The following GMDS variants were observed in gnomAD, a reference collection of about 807,000 sequenced individuals.
GMDS encodes the protein GDP-mannose 4,6 dehydratase.
Under a neutral mutation model 49.9 loss-of-function variants are expected in GMDS, and 20 were observed. That is an observed-to-expected ratio of 0.40 (90% CI 0.28 to 0.58). GMDS has a LOEUF of 0.58. GMDS is among the 20% of genes least tolerant of loss of function. The pLI, the probability that GMDS is intolerant of heterozygous loss-of-function variation, is 0.42. For synonymous variants in GMDS, 177 were observed against 178.6 expected, an observed-to-expected ratio of 0.99 and a Z score of 0.07; for missense variants, 362 against 481.4, an observed-to-expected ratio of 0.75 and a Z score of 2.32.
At position 2,131,165 on chromosome 6, in the gene GMDS, G is replaced by A. The variant is rs149395248; in HGVS notation, c.103-6434C>T. ...GTATAATATTAGAGCAAGGAAGAAC[G>A]CAAATACAATGTGAACTCAGGAATT... is the stretch of plus-strand genomic sequence containing the variant. On this transcript the variant is annotated intron_variant, in intron 1 of 10. Transcript: ENST00000380815. 5.4e-3 allele frequency among the ~76,000 whole-genome samples: 827 copies of A among 152,122 alleles called. 3 individuals carry two copies. Among genetic ancestry groups the A allele is most frequent in the Middle Eastern group, 0.02 (6 of 294 alleles).
chr6:2,092,414 C>T (rs1019997109), intron 4 of GMDS, among the ~76,000 whole-genome samples: 9 of 152,184 alleles, frequency 5.9e-5, no homozygotes, highest in Non-Finnish European at 1.3e-4. Flanking sequence ...TTAATCATCA[C>T]CTCATCCCAG....
At chr6:2,065,123 C>T (rs893915225) in intron 4 of GMDS, among the ~76,000 whole-genome samples, 1 of 152,252 alleles carries the variant, frequency 6.6e-6, no homozygotes, top group African/African-American at 2.4e-5. Context: ...CCCCTGACCC[C>T]TGAGCAGCCT....
chr6:1,767,894 A>G lies in GMDS; in HGVS notation c.772-25308T>C, dbSNP rs192806186. Among the ~76,000 whole-genome samples, 5 of 152,148 alleles carry G rather than the reference A, an allele frequency of 3.3e-5. No individual in the cohort carries two copies. In the East Asian group the frequency reaches 7.7e-4, roughly 24 times the overall value. ...GGTGATCCCAGTTAATCCCGGCTCT[A>G]AGCTGCTGTAGAATTGCTCAGTGTT... is the stretch of plus-strand genomic sequence containing the variant. On this transcript the variant is annotated intron_variant, in intron 7 of 10. Transcript: ENST00000380815.
chr6:2,073,553 A>G (rs374869785), intron 4 of GMDS, among the ~76,000 whole-genome samples: 2 of 152,150 alleles, frequency 1.3e-5, no homozygotes, highest in African/African-American at 4.8e-5. Flanking sequence ...ACACATTGTC[A>G]CTAACTACAG....
At chr6:1,727,425 A>G (rs1268237621) in intron 8 of GMDS, among the ~76,000 whole-genome samples, 1 of 152,226 alleles carries the variant, frequency 6.6e-6, no homozygotes, top group African/African-American at 2.4e-5. Context: ...TTACATATGA[A>G]CTTTTTTGCA....
chr6:2,067,078 T>A (rs1419865838), intron 4 of GMDS, among the ~76,000 whole-genome samples: 1 of 151,450 alleles, frequency 6.6e-6, no homozygotes, highest in African/African-American at 2.4e-5. Flanking sequence ...CAGACCACAG[T>A]GCAATCAAAT....
chr6:2,175,522 A>G (rs1778241119), intron 1 of GMDS, among the ~76,000 whole-genome samples: 1 of 152,184 alleles, frequency 6.6e-6, no homozygotes, highest in Admixed American at 6.5e-5. Flanking sequence ...GAAAAAAGAG[A>G]GCAGCATTAC....
At chr6:1,747,191 C>T (rs1273541887) in intron 7 of GMDS, among the ~76,000 whole-genome samples, 3 of 152,054 alleles carry the variant, frequency 2.0e-5, no homozygotes, top group Non-Finnish European at 4.4e-5. Flanking sequence ...AGTGCATCAC[C>T]ACAGCCGACT....
chr6:1,635,083 T>C lies in GMDS; in HGVS notation c.988-10543A>G, dbSNP rs1168046096. On this transcript the variant is annotated intron_variant, in intron 9 of 10. Transcript: ENST00000380815. The surrounding 1 kb of genome is among the most constrained non-coding windows in gnomAD (Gnocchi z 4.7). ...CCTGCCAGCATTACGTGTCATCTCCTTTTTCACGATTTCAAGATTAGAGAA... is the reference window on the plus strand; with the variant it reads ...CCTGCCAGCATTACGTGTCATCTCCCTTTTCACGATTTCAAGATTAGAGAA... 6.6e-6 allele frequency among the ~76,000 whole-genome samples: 1 copy of C among 152,196 alleles called. No homozygotes were observed. The highest frequency in any genetic ancestry group is 1.5e-5 in the Non-Finnish European group (1 of 68,036).
chr6:2,078,479 C>T (rs1256141806), intron 4 of GMDS, among the ~76,000 whole-genome samples: 1 of 151,946 alleles, frequency 6.6e-6, no homozygotes, highest in Non-Finnish European at 1.5e-5. Context: ...CACTTTCATT[C>T]GTTTCAAGAA....
At chr6:2,086,949 C>G (rs1389884140) in intron 4 of GMDS, among the ~76,000 whole-genome samples, 2 of 152,282 alleles carry the variant, frequency 1.3e-5, no homozygotes, top group East Asian at 1.9e-4. Context: ...TAAGAGAAAT[C>G]ACTTGGAAAA....
At chr6:2,125,168 T>C (rs1005646249) in intron 1 of GMDS, among the ~76,000 whole-genome samples, 3 of 152,184 alleles carry the variant, frequency 2.0e-5, no homozygotes, top group African/African-American at 4.8e-5. Context: ...TCAGGCACAG[T>C]TGCTCACACC....
At chr6:2,108,732 G>A (rs1774379842) in intron 4 of GMDS, among the ~76,000 whole-genome samples, 1 of 152,118 alleles carries the variant, frequency 6.6e-6, no homozygotes, top group Admixed American at 6.6e-5. Flanking sequence ...ACAGTTCAAC[G>A]ATACTGCCCA....
At chr6:1,624,303 C>T in intron 10 of GMDS, 72 bp from the exon 11 acceptor site, 1 of 1,459,326 alleles carries the variant, frequency 6.9e-7, no homozygotes, top group Non-Finnish European at 9.5e-7. Context: ...CCCCGGGTGT[C>T]GGCCCCAGAG....
intron 9 of GMDS, among the ~76,000 whole-genome samples, chr6:1,627,338 G>A (rs9378639): frequency 0.47 from 70,928 of 152,016 alleles, 18,203 homozygotes; most frequent in East Asian, 0.74. Context: ...GTGGGAAAGC[G>A]CACACAGCTC....
At chr6:1,928,773 C>T (rs780123039) in intron 7 of GMDS, among the ~76,000 whole-genome samples, 2 of 151,994 alleles carry the variant, frequency 1.3e-5, no homozygotes, top group Middle Eastern at 3.4e-3. Flanking sequence ...GTTTGAGACC[C>T]GCCTGGTCAA....
intron 4 of GMDS, among the ~76,000 whole-genome samples, chr6:2,050,118 T>TA (rs1770290386): frequency 6.6e-6 from 1 of 152,030 alleles, no homozygotes; most frequent in Admixed American, 6.5e-5. Flanking sequence ...TCAAAATTGA[T>TA]AGACTGCTAG....
intron 7 of GMDS, among the ~76,000 whole-genome samples, chr6:1,825,853 T>C (rs1044650331): frequency 7.9e-5 from 12 of 152,026 alleles, no homozygotes; most frequent in Admixed American, 3.3e-4. Context: ...CCATCTCTAC[T>C]AAAAACACAA....
chr6:1,998,787 G>T (rs533798363), intron 4 of GMDS, among the ~76,000 whole-genome samples: 7 of 152,194 alleles, frequency 4.6e-5, no homozygotes, highest in African/African-American at 1.7e-4. Context: ...GGGCATCCAT[G>T]GATTTTGGTA....
Sources: allele counts gnomAD v4.1 joint callset (sites outside exome capture counted in the v4.1 genomes callset), GRCh38; gene constraint gnomAD v4.1.1; non-coding constraint Gnocchi (gnomAD v3.1); transcripts MANE v1.5; gene names NCBI Gene and HGNC (gene_info 2026-07-23, HGNC 2026-07-21).